Variants in NEK11 observed in about 807,000 individuals in gnomAD.
The protein encoded by NEK11 is NIMA related kinase 11, also known as serine/threonine-protein kinase Nek11.
In NEK11, 72 loss-of-function variants were observed where a neutral mutation model predicts 80.7. The observed-to-expected ratio is 0.89, with a 90% confidence interval of 0.74 to 1.08. NEK11 has a LOEUF of 1.08. NEK11 is among the 50% of genes least tolerant of loss of function. NEK11 has a pLI of 0.00. For missense variants in NEK11, 764 were observed against 763.6 expected (o/e 1.00, Z -0.01); for synonymous variants, 251 against 260.7 (o/e 0.96, Z 0.36).
At chr3:131,242,405 G>T (rs1433724581) in intron 15 of NEK11, among the ~76,000 whole-genome samples, 1 of 152,068 alleles carries the variant, frequency 6.6e-6, no homozygotes, top group East Asian at 1.9e-4. Flanking sequence ...CTGTAATTTG[G>T]CATCTAGCAA....
intron 7 of NEK11, among the ~76,000 whole-genome samples, chr3:131,148,511 A>G (rs529279601): frequency 6.6e-6 from 1 of 151,858 alleles, no homozygotes; most frequent in South Asian, 2.1e-4. Context: ...ATTTTTCTGT[A>G]TTCAACAAAT....
intron 5 of NEK11, among the ~76,000 whole-genome samples, chr3:131,111,988 G>A (rs1298261257): frequency 2.6e-5 from 4 of 151,886 alleles, no homozygotes; most frequent in Non-Finnish European, 5.9e-5. Flanking sequence ...TTGTTAATAG[G>A]GTATACATTG....
At chr3:131,328,505 C>T in intron 17 of NEK11, 1 of 152,096 alleles carries the variant, frequency 6.6e-6, no homozygotes, top group East Asian at 1.9e-4. Context: ...TTTAGTTTTA[C>T]ACTTCTGACA....
intron 12 of NEK11, 58 bp from the exon 13 acceptor site, chr3:131,168,772 T>A: frequency 7.9e-7 from 1 of 1,262,770 alleles, no homozygotes; most frequent in South Asian, 1.3e-5. Flanking sequence ...ACTTCACCTC[T>A]AGATGAAGAA....
At chr3:131,143,232 A>G (rs1029950755) in intron 7 of NEK11, among the ~76,000 whole-genome samples, 3 of 152,102 alleles carry the variant, frequency 2.0e-5, no homozygotes, top group Admixed American at 2.0e-4. Flanking sequence ...TCTTGCATTC[A>G]CCCTGCTTTT....
chr3:131,213,320 G>A (rs769725877), intron 14 of NEK11, among the ~76,000 whole-genome samples: 10 of 152,128 alleles, frequency 6.6e-5, no homozygotes, highest in African/African-American at 1.2e-4. Flanking sequence ...CCAGATGGCC[G>A]GTTAACAGAA....
rs1206165889 is a variant in NEK11, at chr3:131,152,429, A to C, written c.689A>C (p.His230Pro). 6.2e-7 allele frequency: 1 copy of C among 1,613,838 alleles called. No individual in the cohort carries two copies. Among genetic ancestry groups the C allele is most frequent in the Non-Finnish European group, 8.5e-7 (1 of 1,179,866 alleles). ...CILYEMCCMN[H>P]AFAGSNFLSI... ...TTGTATGAGATGTGCTGCATGAATCATGCATTCGCTGGCTCCAATTTCTTA... is the reference window on the plus strand; with the variant it reads ...TTGTATGAGATGTGCTGCATGAATCCTGCATTCGCTGGCTCCAATTTCTTA... The change falls in exon 8 of 18, where the codon CAT (histidine) becomes CCT (proline). Residue 230 changes from histidine (H) to proline (P), a missense_variant. Transcript: ENST00000383366.
intron 7 of NEK11, among the ~76,000 whole-genome samples, chr3:131,137,187 A>G (rs1168867666): frequency 3.3e-5 from 5 of 152,130 alleles, no homozygotes; most frequent in African/African-American, 1.2e-4. Flanking sequence ...TTCATGCCCA[A>G]CATTGGACTC....
chr3:131,239,700 A>G (rs957101112), intron 15 of NEK11, among the ~76,000 whole-genome samples: 6 of 152,110 alleles, frequency 3.9e-5, no homozygotes, highest in Non-Finnish European at 8.8e-5. Flanking sequence ...CAAAAGAATA[A>G]CCTTTTGGGA....
At chr3:131,325,705 A>G (rs1284327847) in intron 17 of NEK11, 1 of 152,242 alleles carries the variant, frequency 6.6e-6, no homozygotes, top group African/African-American at 2.4e-5. Context: ...AAATCTTCTT[A>G]CTACCTGTCC....
intron 16 of NEK11, among the ~76,000 whole-genome samples, chr3:131,267,739 G>A (rs78015146): frequency 0.16 from 24,785 of 151,848 alleles, 4,216 homozygotes; most frequent in African/African-American, 0.43. Context: ...TGAATCTGAC[G>A]ATTGCGTGTC....
intron 14 of NEK11, among the ~76,000 whole-genome samples, chr3:131,198,372 G>T (rs2094107717): frequency 6.6e-6 from 1 of 152,162 alleles, no homozygotes; most frequent in South Asian, 2.1e-4. Flanking sequence ...TTTCTTCATT[G>T]TCTGGAAGAA....
chr3:131,059,614 T>G (rs895811342), intron 3 of NEK11, among the ~76,000 whole-genome samples: 1 of 152,208 alleles, frequency 6.6e-6, no homozygotes, highest in Non-Finnish European at 1.5e-5. Context: ...ATCTACATAG[T>G]GTGAAGTATA....
intron 3 of NEK11, chr3:131,054,680 C>T (rs2069043164): frequency 6.6e-6 from 1 of 151,408 alleles, no homozygotes; most frequent in Non-Finnish European, 1.5e-5. Context: ...TTGTTTGAGC[C>T]TGGGATGCAG....
intron 17 of NEK11, among the ~76,000 whole-genome samples, chr3:131,287,056 A>G (rs757199055): frequency 6.6e-6 from 1 of 152,194 alleles, no homozygotes; most frequent in Non-Finnish European, 1.5e-5. Context: ...TGCCCACTCC[A>G]TATGAAATAG....
chr3:131,258,327 A>G (rs1037890671), intron 16 of NEK11, among the ~76,000 whole-genome samples: 24 of 152,038 alleles, frequency 1.6e-4, no homozygotes, highest in Non-Finnish European at 4.4e-5. Context: ...AAATAAAACA[A>G]AAATTTTAAA....
At chr3:131,314,712 G>A (rs1039057738) in intron 17 of NEK11, among the ~76,000 whole-genome samples, 4 of 152,180 alleles carry the variant, frequency 2.6e-5, no homozygotes, top group Non-Finnish European at 5.9e-5. Context: ...TCATGCTTCT[G>A]TGTTTCTTGC....
At chr3:131,044,568 C>T (rs988943375) in intron 3 of NEK11, among the ~76,000 whole-genome samples, 2 of 151,522 alleles carry the variant, frequency 1.3e-5, no homozygotes, top group African/African-American at 4.9e-5. Context: ...ACGAGAAGAG[C>T]CAACTATCCT....
chr3:131,121,049 G>A (rs1358937814), intron 5 of NEK11, among the ~76,000 whole-genome samples: 1 of 152,198 alleles, frequency 6.6e-6, no homozygotes, highest in Non-Finnish European at 1.5e-5. Flanking sequence ...TTCCTTTGGA[G>A]GAGAAGAGGT....
Sources: allele counts gnomAD v4.1 joint callset (sites outside exome capture counted in the v4.1 genomes callset), GRCh38; gene constraint gnomAD v4.1.1; transcripts MANE v1.5; gene names NCBI Gene and HGNC (gene_info 2026-07-23, HGNC 2026-07-21).